Variants in ERICH1 observed in about 807,000 individuals in gnomAD.
ERICH1 encodes the protein glutamate-rich protein 1.
In ERICH1, 56 loss-of-function variants were observed where a neutral mutation model predicts 39.6. The ratio of observed to expected loss-of-function variants is 1.41; its 90% confidence interval spans 1.14 to 1.77. The LOEUF (loss-of-function observed/expected upper bound fraction) is 1.77. ERICH1 is among the 40% of genes most tolerant of loss of function. The pLI is 0.00. For missense variants in ERICH1, 826 were observed against 575.4 expected (o/e 1.44, Z -4.45); for synonymous variants, 313 against 223.6 (o/e 1.40, Z -3.57).
intron 3 of ERICH1, among the ~76,000 whole-genome samples, chr8:657,063 T>A (rs1211792848): frequency 6.6e-6 from 1 of 152,248 alleles, no homozygotes; most frequent in Non-Finnish European, 1.5e-5. Flanking sequence ...TGGATTTTTT[T>A]ATACAACAGC....
chr8:712,696 C>A (rs1815029916), intron 2 of ERICH1, among the ~76,000 whole-genome samples: 1 of 152,212 alleles, frequency 6.6e-6, no homozygotes, highest in Non-Finnish European at 1.5e-5. Flanking sequence ...CTTGGCCTCC[C>A]AAAGTGCTGG....
intron 3 of ERICH1, among the ~76,000 whole-genome samples, chr8:642,253 A>G (rs1165227097): frequency 6.6e-6 from 1 of 152,042 alleles, no homozygotes; most frequent in Non-Finnish European, 1.5e-5. Flanking sequence ...GCACACTGCT[A>G]ACTGCAATTT....
At chr8:621,453 C>T (rs1204449662) in intron 3 of ERICH1, among the ~76,000 whole-genome samples, 2 of 151,754 alleles carry the variant, frequency 1.3e-5, no homozygotes, top group Non-Finnish European at 2.9e-5. Context: ...TATCAAACAT[C>T]ACACAGTAAA....
rs769844067 is a variant in ERICH1 at position 716,479 on chromosome 8, G to A, written c.23-472C>T. On this transcript the variant is annotated intron_variant, in intron 1 of 5. Coordinates refer to ENST00000262109, the MANE Select transcript of ERICH1 (RefSeq NM_207332.3). ...TGAGGCAGGGCAGGCACCACCCCGC[G>A]CCCTCTGGGAACCCACGGTCTGCAC... Among the ~76,000 whole-genome samples, 12 of 152,346 alleles carry A rather than the reference G, an allele frequency of 7.9e-5. No homozygotes were observed. In the East Asian group the frequency reaches 9.7e-4, roughly 12 times the overall value.
At chr8:725,147 C>A in intron 1 of ERICH1, 1 of 190,816 alleles carries the variant, frequency 5.2e-6, no homozygotes. Context: ...GCCTGCTGAC[C>A]CCTCCGGCTT....
At chr8:725,394 A>G (rs1221644422) in intron 1 of ERICH1, 1 of 152,958 alleles carries the variant, frequency 6.5e-6, no homozygotes, top group Non-Finnish European at 1.5e-5. Flanking sequence ...CACTTTACAG[A>G]TGAGCCACCT....
chr8:705,349 C>T (rs550679770), intron 2 of ERICH1, among the ~76,000 whole-genome samples: 51 of 152,336 alleles, frequency 3.3e-4, no homozygotes, highest in African/African-American at 1.1e-3. Context: ...AAGTGACCCA[C>T]GGTTCTTACG....
At chr8:624,654 C>T (rs1797494369) in intron 3 of ERICH1, among the ~76,000 whole-genome samples, 1 of 152,116 alleles carries the variant, frequency 6.6e-6, no homozygotes, top group Non-Finnish European at 1.5e-5. Context: ...GCACGTCTTG[C>T]ATGGCTGGAG....
At position 712,442 on chromosome 8, in the gene ERICH1, G is replaced by T. The variant is rs373412353; in HGVS notation, c.169+3419C>A. 5.0e-3 allele frequency among the ~76,000 whole-genome samples: 710 copies of T among 142,900 alleles called. 10 individuals are homozygous for T. Among genetic ancestry groups the T allele is most frequent in the African/African-American group, 0.016 (649 of 40,688 alleles). The allele number at this position is 142,900 out of a possible 152,430, so 93.7% of individuals were successfully genotyped here. ...ACCGTGTTTTGTTTTGTTTTGTTTT[G>T]TTTTTGAGACGGAGTCTTGCTCTGT... is the stretch of plus-strand genomic sequence containing the variant. On this transcript the variant is annotated intron_variant, in intron 2 of 5. Coordinates refer to ENST00000262109, the MANE Select transcript of ERICH1 (RefSeq NM_207332.3).
intron 3 of ERICH1, among the ~76,000 whole-genome samples, chr8:621,129 T>A (rs566102178): frequency 4.6e-5 from 7 of 152,162 alleles, no homozygotes. Context: ...CTTGGGAAAT[T>A]CACAAATATG....
At chr8:706,046 C>T (rs1813207221) in intron 2 of ERICH1, among the ~76,000 whole-genome samples, 2 of 152,184 alleles carry the variant, frequency 1.3e-5, no homozygotes, top group Non-Finnish European at 2.9e-5. Flanking sequence ...TTACAGTTGC[C>T]ACTGTCTTCA....
At chr8:634,413 T>G (rs557444690) in intron 3 of ERICH1, among the ~76,000 whole-genome samples, 231 of 152,240 alleles carry the variant, frequency 1.5e-3, no homozygotes, top group Non-Finnish European at 2.5e-3. Context: ...CCATGGAAGC[T>G]CCTCAAACAA....
intron 5 of ERICH1, among the ~76,000 whole-genome samples, chr8:665,752 A>G (rs1303723150): frequency 6.6e-6 from 1 of 152,208 alleles, no homozygotes; most frequent in Non-Finnish European, 1.5e-5. Flanking sequence ...TCGCAGCTGA[A>G]TGCAGCCCCC....
chr8:639,540 C>T (rs985084078), intron 3 of ERICH1, among the ~76,000 whole-genome samples: 5 of 152,172 alleles, frequency 3.3e-5, no homozygotes, highest in African/African-American at 7.2e-5. Flanking sequence ...GCAGACACGA[C>T]CGAGAACCCT....
At chr8:656,453 G>C (rs1483017311) in intron 3 of ERICH1, among the ~76,000 whole-genome samples, 1 of 152,192 alleles carries the variant, frequency 6.6e-6, no homozygotes, top group Non-Finnish European at 1.5e-5. Context: ...TCATCTCTAT[G>C]TTTGTTTGCC....
chr8:685,243 T>G (rs10086922), intron 3 of ERICH1, among the ~76,000 whole-genome samples: 96,394 of 152,006 alleles, frequency 0.63, 30,946 homozygotes, highest in East Asian at 0.91. Flanking sequence ...CAGCGATATT[T>G]CTCTTACCCG....
At chr8:626,770 C>G (rs551960954) in intron 3 of ERICH1, 3 of 215,720 alleles carry the variant, frequency 1.4e-5, no homozygotes, top group African/African-American at 6.7e-5. Context: ...TCCTGTCTCT[C>G]AGTTGCAGAG....
intron 3 of ERICH1, among the ~76,000 whole-genome samples, chr8:642,479 G>A (rs1799118885): frequency 6.6e-6 from 1 of 151,582 alleles, no homozygotes; most frequent in South Asian, 2.1e-4. Flanking sequence ...CAGATAGCTG[G>A]GACTACAGGC....
At chr8:625,030 C>T (rs996569023) in intron 3 of ERICH1, among the ~76,000 whole-genome samples, 1 of 152,160 alleles carries the variant, frequency 6.6e-6, no homozygotes, top group African/African-American at 2.4e-5. Context: ...CCGGCCTACA[C>T]ACTTTTAAAC....
Sources: allele counts gnomAD v4.1 joint callset (sites outside exome capture counted in the v4.1 genomes callset), GRCh38; gene constraint gnomAD v4.1.1; transcripts MANE v1.5; gene names NCBI Gene and HGNC (gene_info 2026-07-23, HGNC 2026-07-21).